Variants in XRRA1 observed in about 807,000 individuals in gnomAD.
The protein encoded by XRRA1 is X-ray radiation resistance associated 1.
XRRA1 carries 69 observed loss-of-function variants against 80.2 expected under a neutral mutation model. That is an observed-to-expected ratio of 0.86 (90% CI 0.71 to 1.05). XRRA1 has a LOEUF of 1.05. XRRA1 is among the 50% of genes least tolerant of loss of function. The pLI is 0.00. For synonymous variants in XRRA1, 348 were observed against 389.9 expected (o/e 0.89, Z 1.27); for missense variants, 967 against 976.4 (o/e 0.99, Z 0.13).
chr11:74,857,718 A>C (rs1005050411), intron 12 of XRRA1, among the ~76,000 whole-genome samples: 6 of 152,240 alleles, frequency 3.9e-5, no homozygotes, highest in Non-Finnish European at 7.3e-5. Context: ...AGGGTGAATC[A>C]TAAAACAAGT....
intron 8 of XRRA1, among the ~76,000 whole-genome samples, chr11:74,920,410 G>T (rs1940367747): frequency 6.6e-6 from 1 of 152,020 alleles, no homozygotes. Flanking sequence ...TTAGGCATAA[G>T]CCACAATAGA....
At chr11:74,925,847 G>A (rs17244991) in intron 7 of XRRA1, among the ~76,000 whole-genome samples, 8,538 of 152,154 alleles carry the variant, frequency 0.056, 326 homozygotes, top group Middle Eastern at 0.095. Flanking sequence ...ATGGTACAAC[G>A]CACAACACAG....
chr11:74,885,765 C>T (rs2048870800), intron 10 of XRRA1, among the ~76,000 whole-genome samples: 1 of 152,074 alleles, frequency 6.6e-6, no homozygotes, highest in Non-Finnish European at 1.5e-5. Flanking sequence ...ACAACAACAA[C>T]AAAATTTCAG....
At chr11:74,907,795 G>T (rs2054970739) in intron 8 of XRRA1, among the ~76,000 whole-genome samples, 1 of 152,146 alleles carries the variant, frequency 6.6e-6, no homozygotes, top group African/African-American at 2.4e-5. Flanking sequence ...CTCTTCTCAA[G>T]TGGCTTCATA....
chr11:74,940,241 G>C (rs1169618003), intron 3 of XRRA1, among the ~76,000 whole-genome samples: 1 of 152,252 alleles, frequency 6.6e-6, no homozygotes, highest in Admixed American at 6.5e-5. Context: ...AAATCTACCT[G>C]GCAGAGTCGA....
Position 74,841,036 on chromosome 11 carries a change from G to A in XRRA1, c.*2164C>T, listed in dbSNP as rs2036456637. On this transcript the variant is annotated 3_prime_UTR_variant, in exon 19 of 19. Transcript: ENST00000684022. ...CTGAATACATGCTCAGGTAGAGAAAGTCTCCATAGTATAAGTAAGTAATAT... is the reference window on the plus strand; with the variant it reads ...CTGAATACATGCTCAGGTAGAGAAAATCTCCATAGTATAAGTAAGTAATAT... The A allele has an allele frequency of 1.3e-5, 2 of 152,056 alleles. No homozygotes were observed. The highest frequency in any genetic ancestry group is 2.1e-4 in the South Asian group (1 of 4,816). The allele number at this position is 152,056 out of a possible 1,614,324, so 9.4% of individuals were successfully genotyped here. A position where few individuals can be genotyped will look rare whatever the true frequency, so the allele number is the denominator to read the frequency against.
chr11:74,930,169 C>T, intron 6 of XRRA1, 131 bp downstream of exon 6: 2 of 778,004 alleles, frequency 2.6e-6, no homozygotes, highest in South Asian at 1.6e-5. Flanking sequence ...CTCTCCAGCA[C>T]CCAGCCTATT....
intron 10 of XRRA1, among the ~76,000 whole-genome samples, chr11:74,904,324 T>C (rs757582977): frequency 2.0e-5 from 3 of 152,058 alleles, no homozygotes; most frequent in Non-Finnish European, 2.9e-5. Flanking sequence ...TTTAGGGTAA[T>C]AGCCAGGTGC....
chr11:74,930,707 C>T (rs1167398460), intron 5 of XRRA1, among the ~76,000 whole-genome samples: 1 of 152,134 alleles, frequency 6.6e-6, no homozygotes, highest in Non-Finnish European at 1.5e-5. Context: ...GGGTGAACCA[C>T]CACCATTACC....
intron 12 of XRRA1, among the ~76,000 whole-genome samples, chr11:74,855,539 G>A (rs1309474097): frequency 6.6e-6 from 1 of 152,198 alleles, no homozygotes; most frequent in Non-Finnish European, 1.5e-5. Context: ...TCTCTCTCGG[G>A]TGAGCTGAAT....
At chr11:74,859,593 C>T (rs2041896092) in intron 11 of XRRA1, among the ~76,000 whole-genome samples, 1 of 152,152 alleles carries the variant, frequency 6.6e-6, no homozygotes, top group African/African-American at 2.4e-5. Context: ...GTCCCCACCC[C>T]CTCCCTCTAC....
intron 10 of XRRA1, among the ~76,000 whole-genome samples, chr11:74,890,188 T>C (rs1248631946): frequency 6.6e-6 from 1 of 152,094 alleles, no homozygotes; most frequent in East Asian, 1.9e-4. Flanking sequence ...GAACAGAAAT[T>C]ATAACAAACT....
intron 10 of XRRA1, among the ~76,000 whole-genome samples, chr11:74,905,817 T>C (rs575224871): frequency 2.0e-5 from 3 of 152,074 alleles, no homozygotes; most frequent in Non-Finnish European, 4.4e-5. Context: ...CAGCACCGCT[T>C]CCCCAGAGGT....
intron 12 of XRRA1, among the ~76,000 whole-genome samples, chr11:74,856,942 A>T (rs1157799754): frequency 6.6e-6 from 1 of 152,130 alleles, no homozygotes; most frequent in African/African-American, 2.4e-5. Context: ...CTAGCACATT[A>T]GAGGTCTCCT....
intron 12 of XRRA1, among the ~76,000 whole-genome samples, chr11:74,857,463 A>C (rs1591637392): frequency 6.6e-6 from 1 of 152,232 alleles, no homozygotes; most frequent in East Asian, 1.9e-4. Flanking sequence ...AGCAGACTTC[A>C]AAATACATGG....
intron 12 of XRRA1, among the ~76,000 whole-genome samples, chr11:74,852,543 G>A (rs78785758): frequency 2.0e-5 from 3 of 152,124 alleles, no homozygotes; most frequent in African/African-American, 7.2e-5. Flanking sequence ...CACTTCTGAT[G>A]GCTCTTTCAC....
Position 74,845,141 on chromosome 11 carries a change from G to A in XRRA1, c.1859C>T (p.Pro620Leu), listed in dbSNP as rs771729717. The change falls in exon 16 of 19, where the codon CCC becomes CTC. Residue 620 changes from proline to leucine, a missense_variant. Coordinates refer to ENST00000684022, the MANE Select transcript of XRRA1 (RefSeq NM_001378157.1). ...TTCTTCATAGCCGTGGTACTTGCTG[G>A]GAAGGAAGGCAGTTGGGAGTTTCCT... ...TRRKLPTAFL[P>L]SKYHGYEELL... 6.2e-7 allele frequency: 1 copy of A among 1,614,044 alleles called. No homozygotes were observed.
intron 10 of XRRA1, among the ~76,000 whole-genome samples, chr11:74,867,635 A>T (rs971093876): frequency 2.0e-5 from 3 of 152,218 alleles, no homozygotes; most frequent in Non-Finnish European, 4.4e-5. Flanking sequence ...GAAAGCAAGC[A>T]ATTTGGAAAA....
chr11:74,927,349 G>T, intron 7 of XRRA1, 42 bp downstream of exon 7: 2 of 1,160,598 alleles, frequency 1.7e-6, no homozygotes, highest in South Asian at 2.5e-5. Context: ...TTCCTTACAG[G>T]GGAACTTGGT....
Sources: gnomAD v4.1 joint callset for allele counts (sites outside exome capture counted in the v4.1 genomes callset) on GRCh38, gnomAD v4.1.1 for gene constraint, MANE v1.5 for transcripts, NCBI Gene and HGNC (gene_info 2026-07-23, HGNC 2026-07-21) for gene names.